Variants in STPG2 observed in about 807,000 individuals in gnomAD.
STPG2 encodes sperm tail PG-rich repeat containing 2, also known as sperm-tail PG-rich repeat-containing protein 2.
STPG2 carries 56 observed loss-of-function variants against 54.2 expected under a neutral mutation model. The observed-to-expected ratio is 1.03, with a 90% CI of 0.83 to 1.29. STPG2 has a LOEUF of 1.29. Among genes scored for constraint, STPG2 ranks in the 50% most tolerant of loss-of-function variants. The pLI is 0.00. For missense variants in STPG2, 596 were observed against 544.9 expected (o/e 1.09, Z -0.93); for synonymous variants, 200 against 181.8 (o/e 1.10, Z -0.81).
chr4:97,618,052 C>A (rs1733918974), intron 10 of STPG2, among the ~76,000 whole-genome samples: 1 of 152,168 alleles, frequency 6.6e-6, no homozygotes, highest in African/African-American at 2.4e-5. Context: ...CCAACATGCT[C>A]TTCTGCAATA....
At chr4:97,676,123 T>C (rs532936616) in intron 10 of STPG2, among the ~76,000 whole-genome samples, 195 of 147,666 alleles carry the variant, frequency 1.3e-3, no homozygotes, top group African/African-American at 3.6e-3. Context: ...AGTGTATATA[T>C]ATATTTTTTT....
In STPG2 at chr4:98,128,476, TG is replaced by T. The variant is rs2110162258; in HGVS notation, c.338del (p.Pro113HisfsTer24). ...NDDGSIIKCF[P>X]PACDSTLGPA... ...GACCAAGTGTACTGTCACAAGCAGG[TG>T]GAAAACATTTTATAATACTGCCATC... On this transcript the variant is annotated frameshift_variant, in exon 3 of 11. Transcript: ENST00000295268. LOFTEE classifies it high-confidence loss of function. The T allele has an allele frequency of 1.9e-6, 3 of 1,613,526 alleles. No individual in the cohort carries two copies. The highest frequency in any genetic ancestry group is 2.5e-6 in the Non-Finnish European group (3 of 1,179,770).
At chr4:97,671,815 G>C (rs541796045) in intron 10 of STPG2, among the ~76,000 whole-genome samples, 1 of 152,266 alleles carries the variant, frequency 6.6e-6, no homozygotes, top group South Asian at 2.1e-4. Flanking sequence ...GGATTGTTAT[G>C]AGGAGAACCT....
At chr4:98,092,018 A>G (rs191251471) in intron 5 of STPG2, among the ~76,000 whole-genome samples, 2 of 152,148 alleles carry the variant, frequency 1.3e-5, no homozygotes, top group Admixed American at 1.3e-4. Flanking sequence ...TTTACCATGA[A>G]TGAGTATGAC....
At chr4:98,139,475 A>G (rs1424776934) in intron 1 of STPG2, among the ~76,000 whole-genome samples, 2 of 152,192 alleles carry the variant, frequency 1.3e-5, no homozygotes, top group East Asian at 3.8e-4. Flanking sequence ...ACTCCATAAA[A>G]TGAACCTGAC....
At position 97,840,807 on chromosome 4, in the gene STPG2, A is replaced by G; in HGVS notation, c.1170T>C (p.Thr390=). The change falls in exon 9 of 11, where the codon ACT becomes ACC. Residue 390 remains threonine, a synonymous_variant. Coordinates refer to ENST00000295268, the MANE Select transcript of STPG2 (RefSeq NM_174952.3). Reference sequence around the variant, plus strand: ...CAGTCACTTTTTCTAGGCACCGAGGAGTTGCACTAAGAAAAGAGGCATGTT... The same window carrying G: ...CAGTCACTTTTTCTAGGCACCGAGGGGTTGCACTAAGAAAAGAGGCATGTT... ...KRKHASFLSA[T]PRCLEKVTDG... is the part of the protein sequence containing the mutation. The G allele has an allele frequency of 1.2e-6, 2 of 1,611,958 alleles. No homozygotes were observed. Among genetic ancestry groups the G allele is most frequent in the Non-Finnish European group, 1.7e-6 (2 of 1,178,460 alleles).
intron 10 of STPG2, among the ~76,000 whole-genome samples, chr4:97,688,731 G>A (rs988606717): frequency 2.6e-5 from 4 of 152,062 alleles, no homozygotes; most frequent in African/African-American, 7.2e-5. Flanking sequence ...ATTAGTGGAT[G>A]TACAGAAATG....
At chr4:97,569,371 C>T (rs1324557189) in intron 10 of STPG2, among the ~76,000 whole-genome samples, 44 of 152,172 alleles carry the variant, frequency 2.9e-4, no homozygotes, top group Non-Finnish European at 2.9e-5. Context: ...TGGCCAGCTT[C>T]TTTGCTGCAA....
chr4:97,938,652 G>A (rs1732853373), intron 8 of STPG2, among the ~76,000 whole-genome samples: 1 of 152,194 alleles, frequency 6.6e-6, no homozygotes, highest in South Asian at 2.1e-4. Flanking sequence ...AAAAAGCAGA[G>A]CTTCCCAGGC....
At chr4:98,133,586 G>T (rs757124515) in intron 2 of STPG2, among the ~76,000 whole-genome samples, 7 of 151,868 alleles carry the variant, frequency 4.6e-5, no homozygotes, top group Non-Finnish European at 4.4e-5. Flanking sequence ...TAACTTTAAT[G>T]ATTTATTTTA....
intron 9 of STPG2, among the ~76,000 whole-genome samples, chr4:97,802,033 T>C (rs548495582): frequency 2.0e-5 from 3 of 152,310 alleles, no homozygotes; most frequent in African/African-American, 4.8e-5. Context: ...CTCTAGAGTG[T>C]CTGAATCTTT....
At chr4:98,095,108 A>C in intron 5 of STPG2, among the ~76,000 whole-genome samples, 1 of 152,294 alleles carries the variant, frequency 6.6e-6, no homozygotes, top group South Asian at 2.1e-4. Context: ...TAGAATTACA[A>C]CAGTTTAAAA....
At chr4:97,899,747 G>A (rs1224531048) in intron 8 of STPG2, among the ~76,000 whole-genome samples, 4 of 152,088 alleles carry the variant, frequency 2.6e-5, no homozygotes, top group Non-Finnish European at 4.4e-5. Context: ...AATAAATGGT[G>A]CCGGGATAAC....
intron 8 of STPG2, among the ~76,000 whole-genome samples, chr4:97,890,121 G>A (rs1178617159): frequency 6.6e-6 from 1 of 152,094 alleles, no homozygotes; most frequent in South Asian, 2.1e-4. Flanking sequence ...CTCAAACCAA[G>A]AACTAGTCAC....
intron 4 of STPG2, among the ~76,000 whole-genome samples, chr4:97,455,545 C>T (rs112402755): frequency 0.016 from 2,470 of 152,208 alleles, 64 homozygotes; most frequent in African/African-American, 0.057. Flanking sequence ...GGCTGCTGAG[C>T]GGCCTGACTC....
intron 8 of STPG2, among the ~76,000 whole-genome samples, chr4:97,862,950 T>G (rs1480991039): frequency 5.9e-5 from 9 of 152,122 alleles, no homozygotes; most frequent in Non-Finnish European, 4.4e-5. Flanking sequence ...CAAAGCAGTG[T>G]GTAGAGGGAA....
chr4:97,747,306 A>C (rs1456222626), intron 9 of STPG2, among the ~76,000 whole-genome samples: 1 of 151,388 alleles, frequency 6.6e-6, no homozygotes, highest in East Asian at 1.9e-4. Context: ...GTAACTCAAA[A>C]ATTAAGATTA....
chr4:98,109,662 A>G (rs1158573595), intron 3 of STPG2, among the ~76,000 whole-genome samples: 1 of 152,200 alleles, frequency 6.6e-6, no homozygotes, highest in Admixed American at 6.5e-5. Context: ...ATTATTTGGG[A>G]AATAGAAATA....
At chr4:98,056,137 A>C (rs1737476234) in intron 5 of STPG2, among the ~76,000 whole-genome samples, 1 of 152,166 alleles carries the variant, frequency 6.6e-6, no homozygotes, top group African/African-American at 2.4e-5. Flanking sequence ...GCTATTGCAG[A>C]GGAAGCCTTG....
Sources: gnomAD v4.1 joint callset for allele counts (sites outside exome capture counted in the v4.1 genomes callset) on GRCh38, gnomAD v4.1.1 for gene constraint, MANE v1.5 for transcripts, NCBI Gene and HGNC (gene_info 2026-07-23, HGNC 2026-07-21) for gene names.